The following DTNA variants were observed in gnomAD, a reference collection of about 807,000 sequenced individuals.
The protein encoded by DTNA is dystrobrevin alpha, also known as dystrophin-related protein 3.
Under a neutral mutation model 100.7 loss-of-function variants are expected in DTNA, and 43 were observed. That is an observed-to-expected ratio of 0.43 (90% confidence interval 0.33 to 0.55). The LOEUF (loss-of-function observed/expected upper bound fraction) is 0.55. Among genes scored for constraint, DTNA ranks in the 20% least tolerant of loss-of-function variants. The pLI is 0.04. For synonymous variants in DTNA, 349 were observed against 347.9 expected, an observed-to-expected ratio of 1.00 and a Z score of -0.04; for missense variants, 798 against 953.9, an observed-to-expected ratio of 0.84 and a Z score of 2.15.
intron 1 of DTNA, among the ~76,000 whole-genome samples, chr18:34,598,177 C>A (rs2051027528): frequency 6.6e-6 from 1 of 150,772 alleles, no homozygotes; most frequent in Non-Finnish European, 1.5e-5. Flanking sequence ...TGGCTGTTGT[C>A]ACTGTCTTGG....
chr18:34,567,609 A>G (rs1367860390), intron 1 of DTNA, among the ~76,000 whole-genome samples: 1 of 152,142 alleles, frequency 6.6e-6, no homozygotes, highest in Non-Finnish European at 1.5e-5. Context: ...ATAACCTATA[A>G]ACTTAGAACT....
At chr18:34,701,426 C>G (rs1434324839) in intron 1 of DTNA, among the ~76,000 whole-genome samples, 1 of 152,162 alleles carries the variant, frequency 6.6e-6, no homozygotes, top group African/African-American at 2.4e-5. Flanking sequence ...AGCACGCTCA[C>G]ATGGTGTTTC....
intron 1 of DTNA, among the ~76,000 whole-genome samples, chr18:34,670,843 C>A (rs1311717960): frequency 1.3e-5 from 2 of 152,186 alleles, no homozygotes; most frequent in Non-Finnish European, 2.9e-5. Context: ...CTGGGGGATG[C>A]CTCCCAGATA....
chr18:34,737,735 T>C (rs2089894954), intron 1 of DTNA: 1 of 152,134 alleles, frequency 6.6e-6, no homozygotes, highest in Admixed American at 6.5e-5. Flanking sequence ...ATAGGAGTCT[T>C]CGCAGAACTC....
Position 34,889,499 on chromosome 18 carries a change from T to G in DTNA, c.*1765T>G. 1.0e-6 allele frequency: 1 copy of G among 985,400 alleles called. No individual in the cohort carries two copies. The highest frequency in any genetic ancestry group is 1.2e-6 in the Non-Finnish European group (1 of 829,934). 61.0% of individuals were successfully genotyped at this position (985,400 alleles called of 1,614,324 possible). A position where few individuals can be genotyped will look rare whatever the true frequency, so the allele number is the denominator to read the frequency against. Reference sequence around the variant, plus strand: ...AGCAAGAAAGGTTCTGTGATTCACTTTTGCTTCTGGGGCTGGCAAAAACCT... The same window carrying G: ...AGCAAGAAAGGTTCTGTGATTCACTGTTGCTTCTGGGGCTGGCAAAAACCT... On this transcript the variant is annotated 3_prime_UTR_variant, in exon 23 of 23. Coordinates refer to ENST00000444659, the MANE Select transcript of DTNA (RefSeq NM_001386795.1).
chr18:34,714,032 T>G lies in DTNA; in HGVS notation c.-2+3587T>G, dbSNP rs1029316811. Among the ~76,000 whole-genome samples the G allele has an allele frequency of 4.8e-3, 720 of 151,160 alleles. 9 individuals carry two copies. The highest frequency in any genetic ancestry group is 6.9e-3 in the Middle Eastern group (2 of 288). ...GCTGGGAAAACTGGCTAGCCATATG[T>G]AGAAAGCTGAAACTGGATCCCTTCC... On this transcript the variant is annotated intron_variant, in intron 1 of 22. Transcript: ENST00000444659.
At chr18:34,860,877 T>C (rs147266289) in intron 16 of DTNA, among the ~76,000 whole-genome samples, 1,630 of 152,270 alleles carry the variant, frequency 0.011, 18 homozygotes, top group South Asian at 0.047. Context: ...ACCTAGGAGA[T>C]AGGCAGTATT....
At chr18:34,747,271 A>G (rs2091755559) in intron 1 of DTNA, among the ~76,000 whole-genome samples, 1 of 152,148 alleles carries the variant, frequency 6.6e-6, no homozygotes, top group Non-Finnish European at 1.5e-5. Context: ...TTCATGTTCA[A>G]ACTCAACTAG....
At chr18:34,815,701 T>A (rs1461726059) in intron 6 of DTNA, 3 of 530,332 alleles carry the variant, frequency 5.7e-6, no homozygotes, top group Admixed American at 3.0e-5. Flanking sequence ...TGGAGAGAAT[T>A]CAGTCCTATG....
In DTNA at chr18:34,838,169, A is replaced by G. The variant is rs752820082; in HGVS notation, c.1251A>G (p.Lys417=). ...ARAAPAFLKG[K]GIQYSLNVAD... is the part of the protein sequence containing the mutation. ...CTGCTCCAGCTTTTCTGAAGGGCAA[A>G]GGGTAAGTTACAGCCAGAGTGTACT... Residue 417 remains lysine (K), a splice_region_variant and synonymous_variant, in exon 12 of 23, where the codon AAA becomes AAG. Transcript: ENST00000444659. The G allele has an allele frequency of 2.9e-5, 47 of 1,613,810 alleles. No homozygotes were observed. The highest frequency in any genetic ancestry group is 3.7e-5 in the Non-Finnish European group (44 of 1,179,792).
intron 1 of DTNA, among the ~76,000 whole-genome samples, chr18:34,553,042 G>T (rs1218859895): frequency 1.3e-5 from 2 of 150,948 alleles, no homozygotes; most frequent in African/African-American, 2.4e-5. Flanking sequence ...AGCACCTGTT[G>T]TTTCCTGACT....
chr18:34,830,565 C>G (rs2095982870), intron 11 of DTNA, among the ~76,000 whole-genome samples: 1 of 152,074 alleles, frequency 6.6e-6, no homozygotes, highest in Non-Finnish European at 1.5e-5. Context: ...ATTCCCTGTT[C>G]TTACATCTTT....
At chr18:34,833,138 A>C (rs1386566031) in intron 11 of DTNA, among the ~76,000 whole-genome samples, 1 of 152,172 alleles carries the variant, frequency 6.6e-6, no homozygotes, top group African/African-American at 2.4e-5. Context: ...GGCCTTTAAT[A>C]TCATGTTCAA....
chr18:34,829,683 A>G (rs1487947176), intron 11 of DTNA, among the ~76,000 whole-genome samples, 194 bp downstream of exon 11: 1 of 152,102 alleles, frequency 6.6e-6, no homozygotes, highest in Admixed American at 6.5e-5. Flanking sequence ...TCCTTTCCAC[A>G]TATTTTATGG....
At chr18:34,672,822 A>G (rs953346873) in intron 1 of DTNA, among the ~76,000 whole-genome samples, 3 of 152,156 alleles carry the variant, frequency 2.0e-5, no homozygotes, top group Non-Finnish European at 4.4e-5. Flanking sequence ...ATGCACAAAC[A>G]TATGTCTGTG....
intron 1 of DTNA, among the ~76,000 whole-genome samples, chr18:34,498,523 A>G (rs1184380295): frequency 4.0e-5 from 6 of 151,438 alleles, no homozygotes; most frequent in Non-Finnish European, 8.8e-5. Flanking sequence ...ATTTAAAAGT[A>G]GACTTATCAA....
intron 1 of DTNA, among the ~76,000 whole-genome samples, chr18:34,600,084 T>C (rs2051472536): frequency 1.3e-5 from 2 of 152,212 alleles, no homozygotes; most frequent in Non-Finnish European, 1.5e-5. Context: ...AGTATTTTCT[T>C]CTCAGAAAGC....
intron 16 of DTNA, among the ~76,000 whole-genome samples, chr18:34,861,781 G>C (rs534601898): frequency 6.6e-6 from 1 of 152,132 alleles, no homozygotes; most frequent in Non-Finnish European, 1.5e-5. Context: ...ATATTTTTAA[G>C]AGATTACTAC....
At chr18:34,695,025 C>T (rs753811145) in intron 1 of DTNA, among the ~76,000 whole-genome samples, 30 of 152,110 alleles carry the variant, frequency 2.0e-4, no homozygotes, top group African/African-American at 4.6e-4. Context: ...CATATTCCCA[C>T]GGCACTTTGA....
Sources: allele counts gnomAD v4.1 joint callset (sites outside exome capture counted in the v4.1 genomes callset), GRCh38; gene constraint gnomAD v4.1.1; transcripts MANE v1.5; gene names NCBI Gene and HGNC (gene_info 2026-07-23, HGNC 2026-07-21).